Variants in NTN1 observed in about 807,000 individuals in gnomAD.
NTN1 encodes netrin 1, also known as netrin-1.
Under a neutral mutation model 54.2 loss-of-function variants are expected in NTN1, and 11 were observed. The ratio of observed to expected loss-of-function variants is 0.20; its 90% CI spans 0.13 to 0.34. The LOEUF (loss-of-function observed/expected upper bound fraction) is 0.34. NTN1 is among the 10% of genes least tolerant of loss of function. The pLI is 1.00. For synonymous variants in NTN1, 371 were observed against 382.0 expected (o/e 0.97, Z 0.33); for missense variants, 740 against 893.1 (o/e 0.83, Z 2.18).
intron 5 of NTN1, among the ~76,000 whole-genome samples, chr17:9,196,912 C>T (rs1340258758): frequency 6.6e-6 from 1 of 152,198 alleles, no homozygotes; most frequent in Non-Finnish European, 1.5e-5. Context: ...CTCCCACTGG[C>T]TCACGAGGGC....
intron 2 of NTN1, among the ~76,000 whole-genome samples, chr17:9,114,158 A>ATATAT (rs1224438013): frequency 5.7e-4 from 54 of 95,032 alleles, no homozygotes; most frequent in East Asian, 1.6e-3. Context: ...AAAAAGAAAA[A>ATATAT]AAAAAAAAAT....
intron 2 of NTN1, among the ~76,000 whole-genome samples, chr17:9,094,808 G>C (rs2092124603): frequency 6.6e-6 from 1 of 152,004 alleles, no homozygotes; most frequent in Non-Finnish European, 1.5e-5. Context: ...GGCCAACATG[G>C]TGAAACCCCG....
chr17:9,211,449 G>A lies in NTN1; in HGVS notation c.1412-9719G>A, dbSNP rs190419994. ...GAATGGGAGTGATGACACTCGTGCT[G>A]TTGGCCTCTCCCCTCCTGCTGTGAT... On this transcript the variant is annotated intron_variant, in intron 5 of 6. Transcript: ENST00000173229. The surrounding 1 kb of genome is among the most constrained non-coding windows in gnomAD (Gnocchi z 4.4). Among the ~76,000 whole-genome samples the A allele has an allele frequency of 7.7e-4, 118 of 152,280 alleles. No homozygotes were observed. Among genetic ancestry groups the A allele is most frequent in the Middle Eastern group, 6.8e-3 (2 of 294 alleles).
intron 5 of NTN1, among the ~76,000 whole-genome samples, chr17:9,185,526 C>T (rs2092430649): frequency 6.6e-6 from 1 of 152,148 alleles, no homozygotes; most frequent in Admixed American, 6.5e-5. Flanking sequence ...ATGTTCTTTA[C>T]CTGCTCACAA....
At chr17:9,095,159 CTTAT>C (rs1389028578) in intron 2 of NTN1, among the ~76,000 whole-genome samples, 2 of 151,990 alleles carry the variant, frequency 1.3e-5, no homozygotes, top group Non-Finnish European at 2.9e-5. Flanking sequence ...TATTTTGTTA[CTTAT>C]TTGTGAGCAT....
intron 2 of NTN1, among the ~76,000 whole-genome samples, chr17:9,078,342 G>A (rs2092058819): frequency 6.6e-6 from 1 of 152,206 alleles, no homozygotes; most frequent in African/African-American, 2.4e-5. Flanking sequence ...ACTTCTGGAA[G>A]GAAGGACAGG....
At chr17:9,225,705 C>T (rs1325246806) in intron 6 of NTN1, among the ~76,000 whole-genome samples, 6 of 147,828 alleles carry the variant, frequency 4.1e-5, no homozygotes, top group South Asian at 2.1e-4. Flanking sequence ...CAGGGGAGGC[C>T]GCCAAACCGG....
chr17:9,154,206 C>T (rs1194784219), intron 2 of NTN1, among the ~76,000 whole-genome samples: 1 of 152,226 alleles, frequency 6.6e-6, no homozygotes. Context: ...GCAGCATTAA[C>T]CAGACCTTAG....
intron 2 of NTN1, among the ~76,000 whole-genome samples, chr17:9,153,601 A>C (rs1017843677): frequency 1.3e-5 from 2 of 152,196 alleles, no homozygotes; most frequent in African/African-American, 4.8e-5. Context: ...CCACAGCTCA[A>C]GAGAAGGAAG....
chr17:9,105,739 G>A (rs1031015746), intron 2 of NTN1, among the ~76,000 whole-genome samples: 10 of 151,864 alleles, frequency 6.6e-5, no homozygotes, highest in Non-Finnish European at 1.5e-4. Flanking sequence ...GCAGTTGGTA[G>A]AGTACAGCCA....
intron 5 of NTN1, among the ~76,000 whole-genome samples, chr17:9,204,918 G>A (rs1904928508): frequency 7.0e-6 from 1 of 142,418 alleles, no homozygotes; most frequent in African/African-American, 2.7e-5. Context: ...CATCAGTGCT[G>A]TCAACCCTCA....
chr17:9,115,357 T>C (rs925979280), intron 2 of NTN1, among the ~76,000 whole-genome samples: 11 of 152,224 alleles, frequency 7.2e-5, no homozygotes, highest in African/African-American at 2.7e-4. Flanking sequence ...CCCACAATGC[T>C]GGCGTCAGCC....
intron 3 of NTN1, among the ~76,000 whole-genome samples, chr17:9,166,193 CA>C: frequency 1.6e-5 from 2 of 123,906 alleles, no homozygotes; most frequent in Admixed American, 8.0e-5. Flanking sequence ...CCACCACCAC[CA>C]CCACCACCAC....
At chr17:9,191,269 T>C (rs1904449226) in intron 5 of NTN1, among the ~76,000 whole-genome samples, 3 of 152,200 alleles carry the variant, frequency 2.0e-5, no homozygotes, top group Admixed American at 2.0e-4. Context: ...AAGACCAGCC[T>C]GACCAACATA....
At chr17:9,192,490 AG>A (rs1904488661) in intron 5 of NTN1, among the ~76,000 whole-genome samples, 1 of 152,120 alleles carries the variant, frequency 6.6e-6, no homozygotes. Flanking sequence ...GTTCTCAATC[AG>A]GGGCTATTGT....
At chr17:9,137,090 A>G (rs936730277) in intron 2 of NTN1, among the ~76,000 whole-genome samples, 6 of 152,048 alleles carry the variant, frequency 3.9e-5, no homozygotes, top group Non-Finnish European at 5.9e-5. Context: ...CCCTGCTCCT[A>G]TCTATGCTTT....
chr17:9,132,197 C>T (rs1597499768), intron 2 of NTN1, among the ~76,000 whole-genome samples: 1 of 152,160 alleles, frequency 6.6e-6, no homozygotes, highest in East Asian at 1.9e-4. Context: ...TGAGCACCTT[C>T]TCCTCTACCC....
At chr17:9,106,505 C>G (rs930081020) in intron 2 of NTN1, among the ~76,000 whole-genome samples, 3 of 147,310 alleles carry the variant, frequency 2.0e-5, no homozygotes, top group Non-Finnish European at 3.0e-5. Context: ...TCCTTCCTTC[C>G]TTCCTTCCTT....
chr17:9,003,206 G>A, the NTN1 span, among the ~76,000 whole-genome samples: 1 of 152,054 alleles, frequency 6.6e-6, no homozygotes, highest in Non-Finnish European at 1.5e-5. The surrounding 1 kb of genome is among the most constrained non-coding windows in gnomAD (Gnocchi z 7.4). Context: ...GCTGCCCCGC[G>A]CTCGGGAAGC....
Sources: allele counts gnomAD v4.1 joint callset (sites outside exome capture counted in the v4.1 genomes callset), GRCh38; gene constraint gnomAD v4.1.1; non-coding constraint Gnocchi (gnomAD v3.1); transcripts MANE v1.5; gene names NCBI Gene and HGNC (gene_info 2026-07-23, HGNC 2026-07-21).